TENM1: variants seen among roughly 807,000 people sequenced by gnomAD.
TENM1 encodes teneurin transmembrane protein 1.
A neutral mutation model predicts 174.8 loss-of-function variants in TENM1; 35 were observed. The observed-to-expected ratio is 0.20, with a 90% CI of 0.15 to 0.27. The LOEUF is 0.27. TENM1 is among the 10% of genes least tolerant of loss of function. The pLI is 1.00. For synonymous variants in TENM1, 781 were observed against 798.7 expected (o/e 0.98, Z 0.37); for missense variants, 1,633 against 2,130.1 (o/e 0.77, Z 4.59).
At chrX:124,982,277 A>G in the TENM1 span, among the ~76,000 whole-genome samples, 1 of 51,005 alleles carries the variant, frequency 2.0e-5, no homozygotes, top group Non-Finnish European at 3.3e-5. Flanking sequence ...TGTGAAAAAA[A>G]AAAAAAAAAA....
the TENM1 span, among the ~76,000 whole-genome samples, chrX:125,130,638 C>T: frequency 9.9e-6 from 1 of 100,635 alleles, no homozygotes; most frequent in Non-Finnish European, 2.0e-5. Flanking sequence ...ATTTTAAATT[C>T]AACTTTTAAG....
chrX:124,870,746 A>AT (rs2057094409), intron 3 of TENM1, among the ~76,000 whole-genome samples: 1 of 110,970 alleles, frequency 9.0e-6, no homozygotes, highest in Non-Finnish European at 1.9e-5. Flanking sequence ...AAGGAGCTAG[A>AT]TCATGGAGGG....
chrX:124,497,403 C>A (rs1452330938), intron 19 of TENM1, 138 bp from the exon 23 acceptor site: 4 of 582,866 alleles, frequency 6.9e-6, no homozygotes, highest in African/African-American at 2.3e-5. Flanking sequence ...GAGAGTGAAA[C>A]ACACACTTTC....
At chrX:124,576,550 T>C (rs968272975) in intron 11 of TENM1, among the ~76,000 whole-genome samples, 1 of 112,158 alleles carries the variant, frequency 8.9e-6, no homozygotes, top group Non-Finnish European at 1.9e-5. Context: ...AGGCATGAAA[T>C]GCATGTCTTA....
the TENM1 span, among the ~76,000 whole-genome samples, chrX:125,017,920 G>A: frequency 1.8e-5 from 2 of 111,273 alleles, no homozygotes; most frequent in African/African-American, 6.5e-5. Context: ...CTAATGTAGA[G>A]GATGGGTTGA....
intron 11 of TENM1, among the ~76,000 whole-genome samples, chrX:124,567,400 T>C (rs1015854906): frequency 2.7e-5 from 3 of 111,394 alleles, no homozygotes; most frequent in Non-Finnish European, 5.7e-5. Context: ...ATCCAGGAGA[T>C]TGTGGTGTAA....
chrX:124,376,482 GGAAA>G (rs974674493), exon 32 of TENM1: 1 of 111,856 alleles, frequency 8.9e-6, no homozygotes, highest in African/African-American at 3.2e-5. Context: ...CTAAATCTAA[GGAAA>G]GATTTTTAAC....
At chrX:124,830,981 T>C (rs2056276541) in intron 3 of TENM1, among the ~76,000 whole-genome samples, 1 of 111,852 alleles carries the variant, frequency 8.9e-6, no homozygotes, top group African/African-American at 3.3e-5. Context: ...CTGGGGGTAA[T>C]GGGCTGTGAT....
chrX:124,781,950 T>C (rs911001547), intron 3 of TENM1, among the ~76,000 whole-genome samples: 8 of 111,784 alleles, frequency 7.2e-5, no homozygotes, highest in African/African-American at 2.6e-4. Context: ...TCCCAGGCTT[T>C]CTTGCAGATA....
intron 11 of TENM1, among the ~76,000 whole-genome samples, chrX:124,626,544 C>T (rs2050641556): frequency 8.9e-6 from 1 of 112,042 alleles, no homozygotes; most frequent in Non-Finnish European, 1.9e-5. Context: ...GATTCAGTTT[C>T]CCAGCAATCT....
At chrX:125,174,259 A>T in the TENM1 span, among the ~76,000 whole-genome samples, 1 of 111,908 alleles carries the variant, frequency 8.9e-6, no homozygotes, top group South Asian at 3.7e-4. Flanking sequence ...TTTAAAAATT[A>T]TTTATATAAG....
intron 1 of TENM1, among the ~76,000 whole-genome samples, chrX:124,937,288 T>C (rs959131290): frequency 8.9e-6 from 1 of 111,881 alleles, no homozygotes; most frequent in Non-Finnish European, 1.9e-5. Flanking sequence ...TTTCAATTTT[T>C]TGAATAGTTA....
chrX:125,011,814 T>C, the TENM1 span, among the ~76,000 whole-genome samples: 1 of 111,808 alleles, frequency 8.9e-6, no homozygotes, highest in African/African-American at 3.3e-5. Flanking sequence ...GAATATCATT[T>C]GACCCAGCAA....
chrX:124,799,466 G>A (rs1427338585), intron 3 of TENM1, among the ~76,000 whole-genome samples: 1 of 110,954 alleles, frequency 9.0e-6, no homozygotes, highest in Non-Finnish European at 1.9e-5. Context: ...TTGTGAATGG[G>A]AGTTTATTCA....
chrX:125,202,408 C>T, the TENM1 span, among the ~76,000 whole-genome samples: 2 of 111,995 alleles, frequency 1.8e-5, no homozygotes, highest in Non-Finnish European at 3.8e-5. Context: ...AACCAAATGG[C>T]TACTAATTTC....
intron 15 of TENM1, among the ~76,000 whole-genome samples, chrX:124,544,364 A>T (rs929964722): frequency 8.9e-6 from 1 of 112,366 alleles, no homozygotes; most frequent in African/African-American, 3.2e-5. Flanking sequence ...ACCCTGAACA[A>T]GTCATTTACT....
intron 3 of TENM1, among the ~76,000 whole-genome samples, chrX:124,760,367 T>C (rs1266263214): frequency 3.6e-5 from 4 of 111,756 alleles, no homozygotes; most frequent in Admixed American, 1.9e-4. Flanking sequence ...AGCTTGAAGA[T>C]AGCTGCTTTA....
chrX:124,606,310 T>C (rs1404602504), intron 11 of TENM1, among the ~76,000 whole-genome samples: 1 of 111,388 alleles, frequency 9.0e-6, no homozygotes, highest in Admixed American at 9.6e-5. Flanking sequence ...TCTCATTTCT[T>C]TGCCTCTATA....
intron 3 of TENM1, among the ~76,000 whole-genome samples, chrX:124,761,310 T>C (rs748355090): frequency 9.1e-6 from 1 of 109,940 alleles, no homozygotes; most frequent in African/African-American, 3.3e-5. Context: ...CCATCAATGA[T>C]AGACTGGATT....
Sources: gnomAD v4.1 joint callset for allele counts (sites outside exome capture counted in the v4.1 genomes callset) on GRCh38, gnomAD v4.1.1 for gene constraint, MANE v1.5 for transcripts, NCBI Gene and HGNC (gene_info 2026-07-23, HGNC 2026-07-21) for gene names.